The following ADGRL2 variants were observed in gnomAD, a reference collection of about 807,000 sequenced individuals.
The protein encoded by ADGRL2 is adhesion G protein-coupled receptor L2.
A neutral mutation model predicts 157.4 loss-of-function variants in ADGRL2; 44 were observed. The observed-to-expected ratio is 0.28, with a 90% CI of 0.22 to 0.36. The LOEUF (loss-of-function observed/expected upper bound fraction) is 0.36. Ranked by LOEUF, ADGRL2 falls within the 10% of genes least tolerant of loss-of-function variation. The pLI is 1.00. For synonymous variants in ADGRL2, 585 were observed against 624.7 expected, an observed-to-expected ratio of 0.94 and a Z score of 0.95; for missense variants, 1,510 against 1,768.9, an observed-to-expected ratio of 0.85 and a Z score of 2.63.
chr1:81,829,805 G>A (rs1470684627), intron 1 of ADGRL2, among the ~76,000 whole-genome samples: 1 of 152,112 alleles, frequency 6.6e-6, no homozygotes, highest in Admixed American at 6.5e-5. Flanking sequence ...ATTGGAAAAT[G>A]ATTGAATCAT....
At chr1:81,497,675 C>T (rs1279182837) in intron 2 of ADGRL2, among the ~76,000 whole-genome samples, 2 of 152,124 alleles carry the variant, frequency 1.3e-5, no homozygotes, top group Non-Finnish European at 2.9e-5. Context: ...CCTCAATTTA[C>T]TCATCTGCAG....
chr1:81,404,339 G>A (rs989386127), intron 1 of ADGRL2, among the ~76,000 whole-genome samples: 1 of 152,158 alleles, frequency 6.6e-6, no homozygotes, highest in Non-Finnish European at 1.5e-5. Context: ...AATTAAATGA[G>A]AATATTTTAC....
intron 2 of ADGRL2, chr1:81,502,247 G>A (rs1188878111): frequency 6.2e-6 from 10 of 1,612,390 alleles, no homozygotes; most frequent in African/African-American, 4.0e-5. Flanking sequence ...AGCTAAAGAA[G>A]ACCATACCAA....
chr1:81,901,318 G>GA (rs145396519), intron 2 of ADGRL2, among the ~76,000 whole-genome samples: 4,134 of 150,458 alleles, frequency 0.027, 187 homozygotes, highest in African/African-American at 0.095. Context: ...CGTAGTCAGA[G>GA]AAAAAAAAAC....
chr1:81,876,292 C>T lies in ADGRL2; in HGVS notation c.74-30725C>T, dbSNP rs557007393. ...AAGCGGATACTTGTAAGTTAAATAC[C>T]TTTTATCATTTATTTTTATCATAAT... On this transcript the variant is annotated intron_variant, in intron 2 of 23. Transcript: ENST00000686636. Among the ~76,000 whole-genome samples the T allele has an allele frequency of 1.0e-3, 159 of 152,002 alleles. 1 individual carries two copies. Among genetic ancestry groups the T allele is most frequent in the African/African-American group, 3.7e-3 (153 of 41,478 alleles).
chr1:81,872,396 A>T (rs1156760196), intron 2 of ADGRL2, among the ~76,000 whole-genome samples: 1 of 152,106 alleles, frequency 6.6e-6, no homozygotes, highest in Non-Finnish European at 1.5e-5. Context: ...TTGGCTTAGG[A>T]TTGAAGACAC....
At chr1:81,357,454 A>C (rs1237085076) in intron 1 of ADGRL2, among the ~76,000 whole-genome samples, 1 of 152,070 alleles carries the variant, frequency 6.6e-6, no homozygotes, top group East Asian at 1.9e-4. Flanking sequence ...TCACTCTTTT[A>C]CCAGCCATTT....
At chr1:81,838,112 A>G (rs1448046231) in intron 2 of ADGRL2, among the ~76,000 whole-genome samples, 1 of 152,016 alleles carries the variant, frequency 6.6e-6, no homozygotes, top group East Asian at 1.9e-4. Flanking sequence ...ACTGTCAACT[A>G]ATAGAAGTGT....
intron 2 of ADGRL2, among the ~76,000 whole-genome samples, chr1:81,895,192 C>G (rs2094355364): frequency 6.6e-6 from 1 of 151,896 alleles, no homozygotes; most frequent in South Asian, 2.1e-4. Flanking sequence ...TGTTGTTAAC[C>G]CAAATAAGTT....
intron 11 of ADGRL2, among the ~76,000 whole-genome samples, chr1:81,965,851 A>G (rs1299677580): frequency 1.3e-5 from 2 of 152,218 alleles, no homozygotes; most frequent in Non-Finnish European, 2.9e-5. Flanking sequence ...TGACAATACA[A>G]AATTTTTTTG....
chr1:81,481,728 G>T (rs1220665964), intron 2 of ADGRL2, among the ~76,000 whole-genome samples: 2 of 67,758 alleles, frequency 3.0e-5, no homozygotes, highest in Non-Finnish European at 8.9e-5. Context: ...GTATAGGCTG[G>T]TTTTCAAAGA....
intron 2 of ADGRL2, among the ~76,000 whole-genome samples, chr1:81,869,118 T>G (rs2093626292): frequency 6.6e-6 from 1 of 152,152 alleles, no homozygotes; most frequent in Non-Finnish European, 1.5e-5. Context: ...TTGCTTACTC[T>G]TCGGTTTCTG....
chr1:81,795,465 T>G (rs535044926), upstream of ADGRL2, among the ~76,000 whole-genome samples: 19 of 152,308 alleles, frequency 1.2e-4, no homozygotes, highest in African/African-American at 4.3e-4. Flanking sequence ...ATAATTACTT[T>G]ATGCTGTATA....
At chr1:81,951,666 A>G (rs903791739) in intron 8 of ADGRL2, among the ~76,000 whole-genome samples, 1 of 151,418 alleles carries the variant, frequency 6.6e-6, no homozygotes, top group Non-Finnish European at 1.5e-5. Context: ...ACTTTAAAAT[A>G]ACAATTTTAA....
chr1:81,417,998 CATA>C (rs1433260972), intron 1 of ADGRL2, among the ~76,000 whole-genome samples: 1 of 152,128 alleles, frequency 6.6e-6, no homozygotes, highest in Non-Finnish European at 1.5e-5. Flanking sequence ...GAAAATAACT[CATA>C]ATGACAGGCA....
At chr1:81,799,955 T>C (rs575164367), upstream of ADGRL2, among the ~76,000 whole-genome samples, 2 of 152,296 alleles carry the variant, frequency 1.3e-5, no homozygotes, top group African/African-American at 4.8e-5. Flanking sequence ...TAAACGTTTT[T>C]CCAGCGTGAT....
chr1:81,987,951 C>G, intron 23 of ADGRL2, 65 bp downstream of exon 23: 1 of 309,484 alleles, frequency 3.2e-6, no homozygotes, highest in Non-Finnish European at 6.7e-6. Context: ...TTTTAACGGG[C>G]ACAATTAAAA....
At chr1:81,551,484 A>G (rs530620750) in intron 2 of ADGRL2, among the ~76,000 whole-genome samples, 4 of 152,364 alleles carry the variant, frequency 2.6e-5, no homozygotes, top group African/African-American at 9.6e-5. Context: ...AAAGCAATGC[A>G]TGTTGCCTTA....
intron 1 of ADGRL2, among the ~76,000 whole-genome samples, chr1:81,726,290 C>T (rs1182550535): frequency 2.6e-5 from 4 of 152,140 alleles, no homozygotes; most frequent in Non-Finnish European, 5.9e-5. Context: ...CTTCCCTGGA[C>T]TCATCCCTGC....
Sources: gnomAD v4.1 joint callset for allele counts (sites outside exome capture counted in the v4.1 genomes callset) on GRCh38, gnomAD v4.1.1 for gene constraint, MANE v1.5 for transcripts, NCBI Gene and HGNC (gene_info 2026-07-23, HGNC 2026-07-21) for gene names.